Variants in SEC14L1 observed in about 807,000 individuals in gnomAD.
The protein encoded by SEC14L1 is SEC14 like lipid binding 1.
Under a neutral mutation model 85.3 loss-of-function variants are expected in SEC14L1, and 48 were observed. The ratio of observed to expected loss-of-function variants is 0.56; its 90% CI spans 0.45 to 0.72. The LOEUF (loss-of-function observed/expected upper bound fraction) is 0.72, where lower values mean the gene tolerates loss of function less well. Ranked by LOEUF, SEC14L1 falls within the 30% of genes least tolerant of loss-of-function variation. The probability of loss-of-function intolerance (pLI) is 0.00; values close to 1 mark genes in which losing one functional copy is unlikely to be tolerated. For synonymous variants in SEC14L1, 391 were observed against 355.5 expected, an observed-to-expected ratio of 1.10 and a Z score of -1.12; for missense variants, 682 against 921.4, an observed-to-expected ratio of 0.74 and a Z score of 3.36.
At position 77,206,750 on chromosome 17, in the gene SEC14L1, A is replaced by G; in HGVS notation, c.1364A>G (p.Asn455Ser). The G allele has an allele frequency of 1.2e-6, 2 of 1,611,036 alleles. No homozygotes were observed. Among genetic ancestry groups the G allele is most frequent in the Non-Finnish European group, 1.7e-6 (2 of 1,179,104 alleles). ...CAGGTTAGTCCGTTCATTGATGACA[A>G]CACCAGAAGGAAGTTCCTCATTTAT... ...WTLVSPFIDD[N>S]TRRKFLIYAG... The change falls in exon 13 of 17, where the codon AAC becomes AGC. Residue 455 changes from asparagine to serine, a missense_variant. Physicochemically the swap from Asn to Ser is conservative, Grantham distance 46. Coordinates refer to ENST00000436233, the MANE Select transcript of SEC14L1 (RefSeq NM_001143998.2). This position sits in a 1 kb window ranked among gnomAD's most constrained non-coding sequence, Gnocchi z 4.3.
In SEC14L1 at chr17:77,214,665, T is replaced by C; in HGVS notation, c.*642T>C. The C allele has an allele frequency of 1.0e-6, 1 of 985,732 alleles. No individual in the cohort carries two copies. Among genetic ancestry groups the C allele is most frequent in the Non-Finnish European group, 1.2e-6 (1 of 830,126 alleles). 61.1% of individuals were successfully genotyped at this position (985,732 alleles called of 1,614,324 possible). A position where few individuals can be genotyped will look rare whatever the true frequency, so the allele number is the denominator to read the frequency against. On this transcript the variant is annotated 3_prime_UTR_variant, in exon 17 of 17. Transcript: ENST00000436233. ...CTCAGGAGGGGCTCTCAGGGACTCC[T>C]GGTGACTCCAGGAAAATGCTGCCAT... is the stretch of plus-strand genomic sequence containing the variant.
intron 3 of SEC14L1, among the ~76,000 whole-genome samples, chr17:77,168,004 C>T (rs1974359834): frequency 6.6e-6 from 1 of 152,232 alleles, no homozygotes; most frequent in Non-Finnish European, 1.5e-5. Flanking sequence ...TGTCCTTCCC[C>T]TGTTGGCTAG....
At position 77,214,077 on chromosome 17, in the gene SEC14L1, AGCCAGCT is replaced by A. The variant is rs1976918132; in HGVS notation, c.*57_*63del. The A allele has an allele frequency of 6.3e-7, 1 of 1,579,136 alleles. No individual in the cohort carries two copies. Among genetic ancestry groups the A allele is most frequent in the African/African-American group, 1.3e-5 (1 of 74,156 alleles). ...AGGGGACGGCCGCCCCTCCTCGGAC[AGCCAGCT>A]GCACCCGCCCACCCAGCGGCGACAT... On this transcript the variant is annotated 3_prime_UTR_variant, in exon 17 of 17. Transcript: ENST00000436233.
At chr17:77,131,661 AAAT>A (rs1270265418) in intron 3 of SEC14L1, among the ~76,000 whole-genome samples, 8 of 152,264 alleles carry the variant, frequency 5.3e-5, no homozygotes, top group African/African-American at 1.9e-4. Context: ...AGGAATGAGT[AAAT>A]AAATGAATAG....
chr17:77,191,118 C>CTA, intron 4 of SEC14L1, 63 bp from the exon 5 acceptor site: 1 of 1,563,532 alleles, frequency 6.4e-7, no homozygotes, highest in Non-Finnish European at 8.8e-7. Flanking sequence ...TGAACTTATA[C>CTA]TATAGCTTCT....
intron 3 of SEC14L1, among the ~76,000 whole-genome samples, chr17:77,099,750 T>C (rs1365614411): frequency 6.6e-6 from 1 of 152,026 alleles, no homozygotes; most frequent in Admixed American, 6.6e-5. Context: ...AGTGAGACTC[T>C]CTCAAACAAA....
intron 3 of SEC14L1, among the ~76,000 whole-genome samples, chr17:77,149,294 C>T (rs960577098): frequency 4.6e-5 from 7 of 152,158 alleles, no homozygotes; most frequent in African/African-American, 9.7e-5. Flanking sequence ...TTCTCCCAAG[C>T]GCGGGTGCTA....
At chr17:77,148,552 G>A (rs1184446236) in intron 3 of SEC14L1, among the ~76,000 whole-genome samples, 1 of 152,124 alleles carries the variant, frequency 6.6e-6, no homozygotes, top group East Asian at 1.9e-4. Flanking sequence ...TGTGCCCTAG[G>A]AGTGCTGGCT....
rs763321146 is a variant in SEC14L1, at chr17:77,174,460, T to C, written c.64-16343T>C. 3.5e-4 allele frequency among the ~76,000 whole-genome samples: 54 copies of C among 152,200 alleles called. 1 individual carries two copies. The highest frequency in any genetic ancestry group is 5.7e-4 in the Non-Finnish European group (39 of 68,038). On this transcript the variant is annotated intron_variant, in intron 3 of 16. Transcript: ENST00000436233. ...AATTGTGCGTCTCATTCACACACTT[T>C]CAACCTCCAGGATGTCCTGACCACC...
intron 2 of SEC14L1, chr17:77,089,356 G>C (rs1171656345): frequency 1.9e-6 from 1 of 517,730 alleles, no homozygotes; most frequent in Non-Finnish European, 3.9e-6. Context: ...AGTTGTGGGT[G>C]CAGCATGGTA....
At chr17:77,200,400 C>A in intron 8 of SEC14L1, 84 bp from the exon 9 acceptor site, 4 of 1,075,792 alleles carry the variant, frequency 3.7e-6, no homozygotes, top group Non-Finnish European at 5.4e-6. Context: ...AACTCCTGAG[C>A]TCAAGCGATC....
chr17:77,092,726 A>G (rs950094570), intron 2 of SEC14L1, among the ~76,000 whole-genome samples: 1 of 152,094 alleles, frequency 6.6e-6, no homozygotes, highest in East Asian at 1.9e-4. Context: ...AGGCGGGCGG[A>G]TCACCTGAGG....
intron 3 of SEC14L1, among the ~76,000 whole-genome samples, chr17:77,104,281 G>A (rs1598221986): frequency 6.6e-6 from 1 of 150,422 alleles, no homozygotes. Flanking sequence ...CTGCCACCAC[G>A]CCCAGCTAAT....
intron 3 of SEC14L1, among the ~76,000 whole-genome samples, chr17:77,121,884 C>T (rs1972307534): frequency 6.6e-6 from 1 of 152,192 alleles, no homozygotes; most frequent in Admixed American, 6.5e-5. Context: ...CCTCCTTTCC[C>T]CATTCTTTCT....
At chr17:77,116,895 T>C (rs1972182141) in intron 3 of SEC14L1, among the ~76,000 whole-genome samples, 1 of 152,082 alleles carries the variant, frequency 6.6e-6, no homozygotes, top group Admixed American at 6.6e-5. Context: ...GCTGGGGCCA[T>C]GGGTGGGAGG....
intron 3 of SEC14L1, among the ~76,000 whole-genome samples, chr17:77,146,648 C>CT (rs556889267): frequency 1.0e-4 from 15 of 146,818 alleles, no homozygotes; most frequent in African/African-American, 1.5e-4. Flanking sequence ...TAGTTAGAAA[C>CT]TTTTTTTTTT....
chr17:77,174,489 G>A (rs1567909690), intron 3 of SEC14L1, among the ~76,000 whole-genome samples: 1 of 152,180 alleles, frequency 6.6e-6, no homozygotes, highest in Non-Finnish European at 1.5e-5. Context: ...GACCACCAAG[G>A]AAATACTGCA....
chr17:77,106,614 A>C (rs1224631391), intron 3 of SEC14L1, among the ~76,000 whole-genome samples: 1 of 151,990 alleles, frequency 6.6e-6, no homozygotes, highest in Non-Finnish European at 1.5e-5. Flanking sequence ...CAGCCTGGCT[A>C]ACATAGTGAA....
intron 3 of SEC14L1, among the ~76,000 whole-genome samples, chr17:77,189,873 C>T (rs990404042): frequency 2.3e-4 from 35 of 152,164 alleles, no homozygotes; most frequent in African/African-American, 8.2e-4. Context: ...CATGATCTGC[C>T]CACCTCAGAC....
Sources: allele counts gnomAD v4.1 joint callset (sites outside exome capture counted in the v4.1 genomes callset), GRCh38; gene constraint gnomAD v4.1.1; non-coding constraint Gnocchi (gnomAD v3.1); transcripts MANE v1.5; gene names NCBI Gene and HGNC (gene_info 2026-07-23, HGNC 2026-07-21).